The following CORO7 variants were observed in gnomAD, a reference collection of about 807,000 sequenced individuals.
CORO7 encodes the protein coronin 7, also known as coronin-7.
In CORO7, 107 loss-of-function variants were observed where a neutral mutation model predicts 126.6. The observed-to-expected ratio is 0.85, with a 90% CI of 0.72 to 0.99. The LOEUF (loss-of-function observed/expected upper bound fraction) is 0.99. Among genes scored for constraint, CORO7 ranks in the 50% least tolerant of loss-of-function variants. CORO7 has a pLI of 0.00. For missense variants in CORO7, 1,314 were observed against 1,255.8 expected (o/e 1.05, Z -0.70); for synonymous variants, 603 against 536.8 (o/e 1.12, Z -1.70).
At chr16:4,367,892 C>T (rs531386161) in intron 9 of CORO7, among the ~76,000 whole-genome samples, 4 of 152,070 alleles carry the variant, frequency 2.6e-5, no homozygotes, top group African/African-American at 4.8e-5. Context: ...GGTGACGGTG[C>T]GTTTCAAGCA....
Position 4,361,403 on chromosome 16 carries a change from C to A in CORO7, c.1645G>T (p.Asp549Tyr), listed in dbSNP as rs775200620. The change falls in exon 17 of 28, where the codon GAT becomes TAT. Residue 549 changes from aspartate to tyrosine, a missense_variant. Transcript: ENST00000251166. ...PTLQNGAAVT[D>Y]LAWDPFDPHR... ...GGGTCAAAGGGGTCCCAGGCCAGAT[C>A]AGTCACAGCTGCCCCATTCTGCAGC... 6 of 1,611,858 alleles carry A rather than the reference C, an allele frequency of 3.7e-6. No homozygotes were observed. The South Asian group carries it at 6.6e-5, about 18-fold the overall frequency.
intron 1 of CORO7, 125 bp downstream of exon 1, chr16:4,416,333 TC>T: frequency 4.7e-6 from 6 of 1,289,936 alleles, no homozygotes; most frequent in Non-Finnish European, 6.0e-6. Context: ...GAAGGGGGGT[TC>T]CCCGGGGATG....
At chr16:4,363,417 T>G (rs2054247133) in intron 14 of CORO7, among the ~76,000 whole-genome samples, 1 of 149,906 alleles carries the variant, frequency 6.7e-6, no homozygotes, top group Non-Finnish European at 1.5e-5. Context: ...ATACTAAAGA[T>G]ACCAATTAGC....
Position 4,358,014 on chromosome 16 carries a change from A to G in CORO7, c.2547T>C (p.Asn849=), listed in dbSNP as rs1218939012. 1 of 1,612,972 alleles carries G rather than the reference A, an allele frequency of 6.2e-7. No homozygotes were observed. Among genetic ancestry groups the G allele is most frequent in the Middle Eastern group, 1.7e-4 (1 of 6,060 alleles). The change falls in exon 25 of 28, where the codon AAT becomes AAC. Residue 849 remains asparagine, a synonymous_variant. Transcript: ENST00000251166. Reference sequence around the variant, plus strand: ...GCAGGCTGAGAAGCCAGGGCTGCCCATTAGCGCCTTGCAGCCAGGCCTCGG... The same window carrying G: ...GCAGGCTGAGAAGCCAGGGCTGCCCGTTAGCGCCTTGCAGCCAGGCCTCGG... The part of the protein sequence containing the change: ...LSAEAWLQGA[N]GQPWLLSLQP...
Position 4,359,312 on chromosome 16 carries a change from G to A in CORO7, c.2324C>T (p.Ser775Leu), listed in dbSNP as rs760876582. The A allele has an allele frequency of 3.1e-6, 5 of 1,609,398 alleles. No homozygotes were observed. Among genetic ancestry groups the A allele is most frequent in the Admixed American group, 1.7e-5 (1 of 59,318 alleles). Residue 775 changes from serine to leucine, a missense_variant, in exon 23 of 28, where the codon TCG becomes TTG. Transcript: ENST00000251166. ...PFFLECNSFTSPDPHKGLVLL... is the reference protein window; with the variant it reads ...PFFLECNSFTLPDPHKGLVLL... The stretch of plus-strand genomic sequence containing the variant: ...TGGCCTCACCTTGTGGGGGTCAGGC[G>A]ACGTGAAGCTGTTGCACTCCAGGAA...
intron 9 of CORO7, among the ~76,000 whole-genome samples, chr16:4,380,078 A>T (rs988508444): frequency 6.7e-6 from 1 of 149,082 alleles, no homozygotes; most frequent in South Asian, 2.1e-4. Context: ...AAAAAAAAGT[A>T]GATGAATGAC....
chr16:4,404,512 C>G (rs2055924817), intron 6 of CORO7, among the ~76,000 whole-genome samples: 1 of 152,212 alleles, frequency 6.6e-6, no homozygotes, highest in South Asian at 2.1e-4. Context: ...CAGCCGGATT[C>G]TGCTCAGAGC....
At chr16:4,401,348 G>A (rs1325146536) in intron 6 of CORO7, among the ~76,000 whole-genome samples, 1 of 152,232 alleles carries the variant, frequency 6.6e-6, no homozygotes, top group Non-Finnish European at 1.5e-5. Flanking sequence ...GGCAGAGGCG[G>A]GGGCCTGTCT....
chr16:4,407,137 G>A (rs544398181), intron 5 of CORO7, among the ~76,000 whole-genome samples: 3 of 150,734 alleles, frequency 2.0e-5, no homozygotes, highest in African/African-American at 7.3e-5. Flanking sequence ...TAGTAGAGAC[G>A]GGGTTTTGCC....
chr16:4,409,345 G>C (rs1194644054), intron 3 of CORO7, among the ~76,000 whole-genome samples: 1 of 152,218 alleles, frequency 6.6e-6, no homozygotes, highest in Non-Finnish European at 1.5e-5. Flanking sequence ...CCTCACTCTG[G>C]GGTGTGCTTG....
rs1398755411 is a variant in CORO7, at chr16:4,394,792, G to C, written c.615+497C>G. Among the ~76,000 whole-genome samples the C allele has an allele frequency of 2.6e-5, 4 of 152,238 alleles. No individual in the cohort carries two copies. The East Asian group carries it at 7.7e-4, about 29-fold the overall frequency. The stretch of plus-strand genomic sequence containing the variant: ...CAGTGGCTGGATGCCTGCAGCATGA[G>C]CCAGGTCCCAGCTTCCCCGCTTGGA... On this transcript the variant is annotated intron_variant, in intron 7 of 27. Transcript: ENST00000251166.
At chr16:4,366,818 T>C (rs2054363590) in intron 9 of CORO7, among the ~76,000 whole-genome samples, 1 of 152,146 alleles carries the variant, frequency 6.6e-6, no homozygotes, top group Admixed American at 6.6e-5. Context: ...GCTAGGATTA[T>C]AGGCATGAGC....
At chr16:4,379,124 C>T (rs1395120575) in intron 9 of CORO7, among the ~76,000 whole-genome samples, 1 of 151,928 alleles carries the variant, frequency 6.6e-6, no homozygotes, top group Non-Finnish European at 1.5e-5. Context: ...ACGGGTCCCC[C>T]CAGCCTGGGG....
rs1174183425 is a variant in CORO7 at position 4,405,621 on chromosome 16, G to A, written c.488-54C>T. 11 of 1,586,856 alleles carry A rather than the reference G, an allele frequency of 6.9e-6. No homozygotes were observed. The Admixed American group carries it at 1.4e-4, about 20-fold the overall frequency. ...CGGGCAGTGAGGGCACCAGGGAAGT[G>A]GGTGGGGGCGGGCCTTGCTGGGGGG... On this transcript the variant is annotated intron_variant, in intron 5 of 27. Transcript: ENST00000251166.
chr16:4,363,041 A>C (rs2054234042), intron 14 of CORO7: 5 of 307,546 alleles, frequency 1.6e-5, no homozygotes, highest in South Asian at 1.6e-4. Context: ...GATCTGTATG[A>C]AAATTCTTGC....
chr16:4,416,298 G>C (rs1250981789), intron 1 of CORO7, among the ~76,000 whole-genome samples, 161 bp downstream of exon 1: 1 of 152,148 alleles, frequency 6.6e-6, no homozygotes, highest in Non-Finnish European at 1.5e-5. Flanking sequence ...GCGACGAAAC[G>C]GCCCGGACGC....
At chr16:4,357,748 TGTGC>T in intron 25 of CORO7, 1 of 714,040 alleles carries the variant, frequency 1.4e-6, no homozygotes, top group Non-Finnish European at 2.2e-6. Flanking sequence ...CACCACAGTG[TGTGC>T]GTGTGTGTGT....
chr16:4,369,369 C>G (rs1331162332), intron 9 of CORO7, among the ~76,000 whole-genome samples: 1 of 152,250 alleles, frequency 6.6e-6, no homozygotes, highest in Non-Finnish European at 1.5e-5. Context: ...GAGCCCCAGC[C>G]AGGCAGAGGG....
At chr16:4,357,929 C>G in intron 25 of CORO7, 39 bp downstream of exon 25, 1 of 1,574,614 alleles carries the variant, frequency 6.4e-7, no homozygotes, top group South Asian at 1.1e-5. Context: ...TCTCCAACCC[C>G]CATCCCGCTT....
Sources: gnomAD v4.1 joint callset for allele counts (sites outside exome capture counted in the v4.1 genomes callset) on GRCh38, gnomAD v4.1.1 for gene constraint, MANE v1.5 for transcripts, NCBI Gene and HGNC (gene_info 2026-07-23, HGNC 2026-07-21) for gene names.